The following TPD52 variants were observed in gnomAD, a reference collection of about 807,000 sequenced individuals.
TPD52 encodes the protein prostate and colon associated protein.
TPD52 carries 17 observed loss-of-function variants against 31.3 expected under a neutral mutation model. That is an observed-to-expected ratio of 0.54 (90% CI 0.37 to 0.82). The LOEUF is 0.82. TPD52 is among the 40% of genes least tolerant of loss of function. The pLI is 0.00. For missense variants in TPD52, 212 were observed against 240.1 expected, an observed-to-expected ratio of 0.88 and a Z score of 0.77; for synonymous variants, 83 against 89.6, an observed-to-expected ratio of 0.93 and a Z score of 0.42.
At chr8:80,055,680 A>G (rs1295690756) in intron 2 of TPD52, among the ~76,000 whole-genome samples, 2 of 152,214 alleles carry the variant, frequency 1.3e-5, no homozygotes, top group Admixed American at 6.5e-5. Flanking sequence ...AAGGAACTCA[A>G]TTCAACAACA....
chr8:80,079,580 C>A (rs1250695404), intron 1 of TPD52, among the ~76,000 whole-genome samples: 1 of 152,108 alleles, frequency 6.6e-6, no homozygotes, highest in South Asian at 2.1e-4. Context: ...AAATTAACTT[C>A]TGGAAAAACC....
intron 1 of TPD52, among the ~76,000 whole-genome samples, chr8:80,105,640 C>A (rs568633162): frequency 6.6e-6 from 1 of 151,874 alleles, no homozygotes; most frequent in African/African-American, 2.4e-5. Flanking sequence ...GTTTTGTCTG[C>A]GGCTCGTCCT....
intron 1 of TPD52, among the ~76,000 whole-genome samples, chr8:80,155,967 G>A (rs780810390): frequency 6.6e-6 from 1 of 151,986 alleles, no homozygotes; most frequent in Non-Finnish European, 1.5e-5. Context: ...TGTTTGGGGG[G>A]TACATCATAT....
Position 80,037,657 on chromosome 8 carries a change from C to T in TPD52, c.*459G>A, listed in dbSNP as rs1310653096. On this transcript the variant is annotated 3_prime_UTR_variant, in exon 8 of 8. Transcript: ENST00000518937. ...TTTCCTTGGAGGTAAAGAAAATACA[C>T]CCAAACTTTTAATTACCAGGATTCA... The T allele has an allele frequency of 6.6e-6, 1 of 152,330 alleles. No homozygotes were observed. The highest frequency in any genetic ancestry group is 2.4e-5 in the African/African-American group (1 of 41,344). The allele number at this position is 152,330 out of a possible 1,614,324, so 9.4% of individuals were successfully genotyped here. A position where few individuals can be genotyped will look rare whatever the true frequency, so the allele number is the denominator to read the frequency against.
chr8:80,142,144 C>T (rs926219019), intron 1 of TPD52, among the ~76,000 whole-genome samples: 1 of 152,138 alleles, frequency 6.6e-6, no homozygotes, highest in African/African-American at 2.4e-5. Flanking sequence ...TGGCATGGGT[C>T]AGTCTCTAAC....
At chr8:80,103,914 T>C (rs763433235) in intron 1 of TPD52, among the ~76,000 whole-genome samples, 4 of 152,194 alleles carry the variant, frequency 2.6e-5, no homozygotes, top group Non-Finnish European at 5.9e-5. Context: ...CCATCTATAG[T>C]GTGACTGGTC....
At chr8:80,145,104 A>G (rs1863435) in intron 1 of TPD52, among the ~76,000 whole-genome samples, 77,537 of 151,978 alleles carry the variant, frequency 0.51, 20,298 homozygotes, top group East Asian at 0.79. Context: ...CTGGTGTTAA[A>G]AACTGGTGCA....
intron 1 of TPD52, among the ~76,000 whole-genome samples, chr8:80,072,973 G>A (rs141636620): frequency 1.5e-4 from 23 of 151,894 alleles, no homozygotes; most frequent in African/African-American, 4.8e-4. Context: ...GTGTGGTGGC[G>A]CACACCTGTA....
intron 1 of TPD52, among the ~76,000 whole-genome samples, chr8:80,135,466 G>A (rs902549560): frequency 3.9e-5 from 6 of 152,060 alleles, no homozygotes; most frequent in African/African-American, 1.5e-4. Flanking sequence ...CAAAGAGGAA[G>A]CCTGAATATA....
intron 1 of TPD52, among the ~76,000 whole-genome samples, chr8:80,165,883 T>C (rs940263335): frequency 4.8e-5 from 6 of 126,204 alleles, no homozygotes; most frequent in Non-Finnish European, 1.0e-4. Context: ...CCAGAAACCC[T>C]AAAAGGGTAG....
intron 1 of TPD52, among the ~76,000 whole-genome samples, chr8:80,163,172 A>T (rs60910047): frequency 0.017 from 2,660 of 152,342 alleles, 78 homozygotes; most frequent in African/African-American, 0.06. Flanking sequence ...ATATTTGCAC[A>T]CTCATGTTCA....
At chr8:80,051,335 A>G in intron 4 of TPD52, 192 bp downstream of exon 4, 1 of 566,394 alleles carries the variant, frequency 1.8e-6, no homozygotes. Context: ...TCAGATGATC[A>G]TTTGATGTTA....
downstream of TPD52, chr8:80,034,670 CAG>C (rs1809787548): frequency 6.6e-6 from 1 of 152,210 alleles, no homozygotes; most frequent in Admixed American, 6.5e-5. Flanking sequence ...AAAATAAGAA[CAG>C]AGAATCAATT....
intron 1 of TPD52, among the ~76,000 whole-genome samples, chr8:80,141,899 G>A (rs1247230871): frequency 2.0e-5 from 3 of 151,142 alleles, no homozygotes; most frequent in Non-Finnish European, 4.4e-5. Context: ...GACAGAGCCA[G>A]ACTCTGGCTC....
At chr8:80,171,236 C>T (rs1225321742) in intron 1 of TPD52, 189 bp downstream of exon 1, 1 of 754,272 alleles carries the variant, frequency 1.3e-6, no homozygotes, top group Non-Finnish European at 2.3e-6. Context: ...TCTGCCCCCG[C>T]CAGAGCCGCT....
intron 1 of TPD52, among the ~76,000 whole-genome samples, chr8:80,114,074 G>A (rs561721907): frequency 2.6e-5 from 4 of 152,112 alleles, no homozygotes; most frequent in East Asian, 3.9e-4. Context: ...GTAAAACCCC[G>A]TCTCTACCAA....
chr8:80,058,800 C>CA (rs1199299937), intron 2 of TPD52, among the ~76,000 whole-genome samples: 4 of 152,210 alleles, frequency 2.6e-5, no homozygotes, highest in East Asian at 1.9e-4. Context: ...AACTCTGTCT[C>CA]AAAAAACAAA....
intron 1 of TPD52, among the ~76,000 whole-genome samples, chr8:80,104,426 C>A (rs1806955294): frequency 1.1e-5 from 1 of 89,356 alleles, no homozygotes; most frequent in Non-Finnish European, 2.0e-5. Context: ...CCTACATACA[C>A]ACGTACACAC....
intron 5 of TPD52, among the ~76,000 whole-genome samples, chr8:80,045,102 T>A (rs1247164135): frequency 6.6e-6 from 1 of 152,236 alleles, no homozygotes; most frequent in Non-Finnish European, 1.5e-5. Context: ...CTGTACTTGA[T>A]GTCTTACATA....
Sources: gnomAD v4.1 joint callset for allele counts (sites outside exome capture counted in the v4.1 genomes callset) on GRCh38, gnomAD v4.1.1 for gene constraint, MANE v1.5 for transcripts, NCBI Gene and HGNC (gene_info 2026-07-23, HGNC 2026-07-21) for gene names.